UNC13B: variants seen among roughly 807,000 people sequenced by gnomAD.
UNC13B encodes protein unc-13 homolog B.
In UNC13B, 144 loss-of-function variants were observed where a neutral mutation model predicts 211.0. The ratio of observed to expected loss-of-function variants is 0.68; its 90% CI spans 0.60 to 0.78. UNC13B has a LOEUF of 0.78. UNC13B is among the 30% of genes least tolerant of loss of function. The pLI is 0.00. For synonymous variants in UNC13B, 709 were observed against 725.8 expected (o/e 0.98, Z 0.37); for missense variants, 1,777 against 2,002.0 (o/e 0.89, Z 2.14).
At chr9:35,321,208 C>T (rs1419317954) in intron 11 of UNC13B, among the ~76,000 whole-genome samples, 1 of 151,246 alleles carries the variant, frequency 6.6e-6, no homozygotes, top group Non-Finnish European at 1.5e-5. Context: ...TTATAATATT[C>T]CTCTTGTTTC....
chr9:35,262,901 C>T (rs1435721072), intron 7 of UNC13B, among the ~76,000 whole-genome samples: 1 of 152,106 alleles, frequency 6.6e-6, no homozygotes, highest in East Asian at 1.9e-4. Context: ...CCACTGCACC[C>T]CAGCCTGGGT....
At chr9:35,296,015 C>A in intron 8 of UNC13B, 85 bp downstream of exon 8, 1 of 1,281,064 alleles carries the variant, frequency 7.8e-7, no homozygotes, top group Non-Finnish European at 1.1e-6. Flanking sequence ...ATGCTTTAAC[C>A]TGAAGAGGTA....
chr9:35,277,172 G>A (rs1244527002), intron 7 of UNC13B, among the ~76,000 whole-genome samples: 1 of 152,062 alleles, frequency 6.6e-6, no homozygotes, highest in East Asian at 1.9e-4. Flanking sequence ...CCAGGTTTTA[G>A]GGAAAGACAA....
intron 11 of UNC13B, among the ~76,000 whole-genome samples, chr9:35,314,874 C>CTTTTTTT (rs765803997): frequency 2.2e-4 from 13 of 57,778 alleles, no homozygotes; most frequent in East Asian, 6.3e-4. Context: ...GATTCCGTAT[C>CTTTTTTT]TTTTTTTTTT....
At chr9:35,327,613 T>A (rs1311950829) in intron 11 of UNC13B, among the ~76,000 whole-genome samples, 1 of 152,202 alleles carries the variant, frequency 6.6e-6, no homozygotes, top group Admixed American at 6.5e-5. Flanking sequence ...CCCACCCACA[T>A]TGAGGGTGGG....
intron 7 of UNC13B, among the ~76,000 whole-genome samples, chr9:35,261,004 A>G (rs1337160780): frequency 6.6e-6 from 1 of 152,170 alleles, no homozygotes; most frequent in East Asian, 1.9e-4. Context: ...CATTTTTCAT[A>G]TGTTTACAGG....
intron 11 of UNC13B, chr9:35,352,026 T>C: frequency 8.1e-7 from 1 of 1,232,228 alleles, no homozygotes; most frequent in Non-Finnish European, 1.0e-6. Flanking sequence ...CAGCAGCACT[T>C]GAGCCAAGTC....
intron 6 of UNC13B, 30 bp downstream of exon 6, chr9:35,243,394 A>G (rs760286730): frequency 1.2e-6 from 2 of 1,610,326 alleles, no homozygotes; most frequent in South Asian, 2.2e-5. Flanking sequence ...CAGTATAGAG[A>G]GATGGGGGAA....
chr9:35,259,147 A>T, intron 7 of UNC13B, 97 bp downstream of exon 7: 1 of 1,260,854 alleles, frequency 7.9e-7, no homozygotes. Context: ...TGGAGATGTC[A>T]TGTGTGTAAG....
At chr9:35,393,072 G>T (rs1030716309) in intron 26 of UNC13B, among the ~76,000 whole-genome samples, 1 of 152,108 alleles carries the variant, frequency 6.6e-6, no homozygotes, top group Non-Finnish European at 1.5e-5. Context: ...TATTTTCTCT[G>T]TGCCTGGCTC....
chr9:35,249,680 G>A (rs1196044576), intron 6 of UNC13B, among the ~76,000 whole-genome samples: 1 of 152,012 alleles, frequency 6.6e-6, no homozygotes. Context: ...TTGAATATTG[G>A]CCCCCACTCT....
chr9:35,256,046 T>C (rs1022941602), intron 6 of UNC13B, among the ~76,000 whole-genome samples: 1 of 152,218 alleles, frequency 6.6e-6, no homozygotes, highest in East Asian at 1.9e-4. Context: ...TGTCATACTT[T>C]CCTTAGTTAT....
Position 35,228,012 on chromosome 9 carries a change from C to T in UNC13B, c.23-3C>T, listed in dbSNP as rs537208764. On this transcript the variant is annotated splice_polypyrimidine_tract_variant and splice_region_variant and intron_variant, in intron 1 of 39. Coordinates refer to ENST00000635942, the MANE Select transcript of UNC13B (RefSeq NM_001371189.2). Reference sequence around the variant, plus strand: ...TCATGGTATCCTCTTTTTTCTCTTGCAGTTAAAAGGGCCAAATTCCAGGGT... The same window carrying T: ...TCATGGTATCCTCTTTTTTCTCTTGTAGTTAAAAGGGCCAAATTCCAGGGT... 1.1e-5 allele frequency: 17 copies of T among 1,610,666 alleles called. No individual in the cohort carries two copies. In the East Asian group the frequency reaches 3.8e-4, roughly 36 times the overall value.
intron 11 of UNC13B, among the ~76,000 whole-genome samples, chr9:35,315,863 A>T (rs1830425726): frequency 6.6e-6 from 1 of 152,110 alleles, no homozygotes; most frequent in Non-Finnish European, 1.5e-5. Flanking sequence ...GTGTTTCCTC[A>T]TGTCCGGACT....
intron 20 of UNC13B, among the ~76,000 whole-genome samples, chr9:35,381,986 G>C (rs983967663): frequency 6.6e-6 from 1 of 152,148 alleles, no homozygotes; most frequent in Admixed American, 6.5e-5. Flanking sequence ...AGTATGCAAG[G>C]ACAACCTGCC....
intron 15 of UNC13B, 136 bp from the exon 16 acceptor site, chr9:35,377,332 C>T: frequency 1.2e-6 from 1 of 862,558 alleles, no homozygotes; most frequent in Non-Finnish European, 1.8e-6. Context: ...CCAGAGGGCC[C>T]TTGCTTAATT....
chr9:35,318,631 C>T (rs551225220), intron 11 of UNC13B, among the ~76,000 whole-genome samples: 2 of 152,258 alleles, frequency 1.3e-5, no homozygotes, highest in East Asian at 1.9e-4. Flanking sequence ...TTTATAGCTG[C>T]GTAATATTCC....
At position 35,399,243 on chromosome 9, in the gene UNC13B, A is replaced by G. The variant is rs761716945; in HGVS notation, c.12157A>G (p.Met4053Val). The change falls in exon 34 of 40, where the codon ATG (methionine) becomes GTG (valine). Residue 4053 changes from methionine (M) to valine (V), a missense_variant. By Grantham distance (21) the Met-to-Val change is conservative. Coordinates refer to ENST00000635942, the MANE Select transcript of UNC13B (RefSeq NM_001371189.2). ...KELWRVVMNT[M>V]ERMIVLPPLT... Reference sequence around the variant, plus strand: ...GCTCTGGCGCGTGGTGATGAACACAATGGAGAGGATGATTGTTCTGCCCCC... The same window carrying G: ...GCTCTGGCGCGTGGTGATGAACACAGTGGAGAGGATGATTGTTCTGCCCCC... 1.2e-6 allele frequency: 2 copies of G among 1,614,062 alleles called. No homozygotes were observed. Among genetic ancestry groups the G allele is most frequent in the South Asian group, 1.1e-5 (1 of 91,072 alleles).
chr9:35,175,852 A>T (rs1298275924), intron 1 of UNC13B, among the ~76,000 whole-genome samples: 3 of 29,316 alleles, frequency 1.0e-4, no homozygotes, highest in Non-Finnish European at 1.4e-4. Context: ...CCCCGTCTCT[A>T]CTAAAAATAT....
Sources: allele counts gnomAD v4.1 joint callset (sites outside exome capture counted in the v4.1 genomes callset), GRCh38; gene constraint gnomAD v4.1.1; transcripts MANE v1.5; gene names NCBI Gene and HGNC (gene_info 2026-07-23, HGNC 2026-07-21).